The following RNF220 variants were observed in gnomAD, a reference collection of about 807,000 sequenced individuals.
The protein encoded by RNF220 is ring finger protein 220.
RNF220 carries 7 observed loss-of-function variants against 67.1 expected under a neutral mutation model. The ratio of observed to expected loss-of-function variants is 0.10; its 90% CI spans 0.06 to 0.20. The LOEUF is 0.20. Among genes scored for constraint, RNF220 ranks in the 10% least tolerant of loss-of-function variants. The probability of loss-of-function intolerance (pLI) is 1.00; values close to 1 mark genes in which losing one functional copy is unlikely to be tolerated. For synonymous variants in RNF220, 270 were observed against 283.2 expected (o/e 0.95, Z 0.47); for missense variants, 565 against 740.3 (o/e 0.76, Z 2.75).
Position 44,500,600 on chromosome 1 carries a change from T to G in RNF220, c.625+87878T>G, listed in dbSNP as rs569041692. Among the ~76,000 whole-genome samples, 3 of 152,310 alleles carry G rather than the reference T, an allele frequency of 2.0e-5. No homozygotes were observed. The South Asian group carries it at 6.2e-4, about 32-fold the overall frequency. ...GTATGATAGGTGCTCAATGAGTACTTGTTGAATTAATTAATTAATGGAAGC... is the reference window on the plus strand; with the variant it reads ...GTATGATAGGTGCTCAATGAGTACTGGTTGAATTAATTAATTAATGGAAGC... On this transcript the variant is annotated intron_variant, in intron 2 of 14. Transcript: ENST00000361799.
At chr1:44,559,715 T>C (rs12075767) in intron 2 of RNF220, among the ~76,000 whole-genome samples, 5,659 of 152,254 alleles carry the variant, frequency 0.037, 279 homozygotes, top group East Asian at 0.13. Context: ...CTGCGCAGTG[T>C]GCGAGGGAGC....
chr1:44,429,296 A>C (rs914866573), intron 2 of RNF220, among the ~76,000 whole-genome samples: 16 of 152,244 alleles, frequency 1.1e-4, no homozygotes, highest in Admixed American at 7.9e-4. Context: ...GAAACAATGC[A>C]AATTCTTCCA....
intron 2 of RNF220, among the ~76,000 whole-genome samples, chr1:44,474,785 C>T (rs1655143960): frequency 6.6e-6 from 1 of 151,996 alleles, no homozygotes; most frequent in East Asian, 1.9e-4. Context: ...ATAGCATTTG[C>T]ATTATGTTAG....
intron 1 of RNF220, among the ~76,000 whole-genome samples, chr1:44,407,116 G>A (rs1209879428): frequency 6.6e-6 from 1 of 152,158 alleles, no homozygotes; most frequent in Non-Finnish European, 1.5e-5. Flanking sequence ...AGGTGTGGGG[G>A]CACAGCCCTA....
chr1:44,430,511 A>G (rs895099118), intron 2 of RNF220, among the ~76,000 whole-genome samples: 8 of 152,150 alleles, frequency 5.3e-5, no homozygotes, highest in African/African-American at 1.7e-4. Context: ...ATAAATCTAA[A>G]AACTATTCCA....
intron 2 of RNF220, among the ~76,000 whole-genome samples, chr1:44,463,562 A>T (rs1266184515): frequency 1.3e-5 from 2 of 152,000 alleles, no homozygotes; most frequent in Non-Finnish European, 2.9e-5. Flanking sequence ...GAGAGTCCTC[A>T]AAGTCATATG....
At chr1:44,504,366 G>A (rs929511890) in intron 2 of RNF220, among the ~76,000 whole-genome samples, 7 of 152,204 alleles carry the variant, frequency 4.6e-5, no homozygotes, top group African/African-American at 1.7e-4. Context: ...GGATATGAAT[G>A]GCTGGGACAC....
chr1:44,523,010 G>A (rs1352402429), intron 2 of RNF220, among the ~76,000 whole-genome samples: 1 of 152,208 alleles, frequency 6.6e-6, no homozygotes, highest in Non-Finnish European at 1.5e-5. Context: ...GACTAGTAAG[G>A]GAGAAGGAAG....
intron 2 of RNF220, among the ~76,000 whole-genome samples, chr1:44,473,235 G>A (rs976150464): frequency 2.0e-5 from 3 of 152,070 alleles, no homozygotes; most frequent in South Asian, 2.1e-4. Flanking sequence ...CTCTGCTGGC[G>A]GCTATAAAGA....
chr1:44,557,192 AT>A (rs994810177), intron 2 of RNF220, among the ~76,000 whole-genome samples: 2 of 139,050 alleles, frequency 1.4e-5, no homozygotes, highest in African/African-American at 6.0e-5. Context: ...TATAATATAT[AT>A]TTTATATATA....
intron 2 of RNF220, among the ~76,000 whole-genome samples, chr1:44,479,240 C>T (rs1366013694): frequency 1.3e-5 from 2 of 151,788 alleles, no homozygotes; most frequent in Admixed American, 6.6e-5. Context: ...CTCAGCCTCC[C>T]GAGTAGCTGG....
At chr1:44,518,931 T>C (rs1199395822) in intron 2 of RNF220, among the ~76,000 whole-genome samples, 1 of 152,082 alleles carries the variant, frequency 6.6e-6, no homozygotes, top group Non-Finnish European at 1.5e-5. Context: ...GTGAACTCTT[T>C]GCAGCTAGAG....
intron 2 of RNF220, among the ~76,000 whole-genome samples, chr1:44,605,949 C>A (rs992924112): frequency 6.6e-6 from 1 of 152,226 alleles, no homozygotes; most frequent in Non-Finnish European, 1.5e-5. Flanking sequence ...GTTCCCAGGA[C>A]ATCCCTGGGC....
chr1:44,424,051 T>C (rs1457499982), intron 2 of RNF220: 2 of 982,232 alleles, frequency 2.0e-6, no homozygotes, highest in East Asian at 2.3e-4. Context: ...TGAGCTCCTG[T>C]GTGTAGAGCG....
chr1:44,616,905 T>C (rs1464160143), intron 3 of RNF220, among the ~76,000 whole-genome samples: 2 of 152,144 alleles, frequency 1.3e-5, no homozygotes, highest in Non-Finnish European at 2.9e-5. Flanking sequence ...GTCCAGGGCA[T>C]GCACTTCTGC....
intron 2 of RNF220, among the ~76,000 whole-genome samples, chr1:44,502,286 G>A (rs1657999178): frequency 6.6e-6 from 1 of 152,082 alleles, no homozygotes. Context: ...AGTCTACTGG[G>A]GCAGTCAGTT....
rs1490575338 is a variant in RNF220 at position 44,565,583 on chromosome 1, G to C, written c.626-48582G>C. Among the ~76,000 whole-genome samples, 13 of 152,346 alleles carry C rather than the reference G, an allele frequency of 8.5e-5. No individual in the cohort carries two copies. In the East Asian group the frequency reaches 2.5e-3, roughly 29 times the overall value. On this transcript the variant is annotated intron_variant, in intron 2 of 14. Coordinates refer to ENST00000361799, the MANE Select transcript of RNF220 (RefSeq NM_018150.4). The surrounding 1 kb of genome is among the most constrained non-coding windows in gnomAD (Gnocchi z 4.2). ...TTCCTTCTCCCTCAGCCCAGGCAAGGGGGAGGTTGCATGGAGGGCAAGCAT... is the reference window on the plus strand; with the variant it reads ...TTCCTTCTCCCTCAGCCCAGGCAAGCGGGAGGTTGCATGGAGGGCAAGCAT...
chr1:44,421,595 G>C (rs536645766), intron 2 of RNF220, among the ~76,000 whole-genome samples: 1 of 150,742 alleles, frequency 6.6e-6, no homozygotes, highest in Non-Finnish European at 1.5e-5. Flanking sequence ...GGACTGAGAT[G>C]GGGGGGCTGC....
chr1:44,607,782 C>T (rs1315135081), intron 2 of RNF220, among the ~76,000 whole-genome samples: 1 of 152,112 alleles, frequency 6.6e-6, no homozygotes, highest in Non-Finnish European at 1.5e-5. Flanking sequence ...AGCCACCACG[C>T]CCGGCCAAAT....
Sources: allele counts gnomAD v4.1 joint callset (sites outside exome capture counted in the v4.1 genomes callset), GRCh38; gene constraint gnomAD v4.1.1; non-coding constraint Gnocchi (gnomAD v3.1); transcripts MANE v1.5; gene names NCBI Gene and HGNC (gene_info 2026-07-23, HGNC 2026-07-21).